Variants in KCNT2 observed in about 807,000 individuals in gnomAD.
KCNT2 encodes potassium sodium-activated channel subfamily T member 2, also known as potassium channel subfamily T member 2.
KCNT2 carries 67 observed loss-of-function variants against 153.8 expected under a neutral mutation model. The observed-to-expected ratio is 0.44, with a 90% CI of 0.36 to 0.53. KCNT2 has a LOEUF of 0.53. Among genes scored for constraint, KCNT2 ranks in the 20% least tolerant of loss-of-function variants. KCNT2 has a pLI of 0.00. For missense variants in KCNT2, 975 were observed against 1,354.8 expected (o/e 0.72, Z 4.40); for synonymous variants, 500 against 458.8 (o/e 1.09, Z -1.15).
intron 12 of KCNT2, among the ~76,000 whole-genome samples, chr1:196,412,820 C>T (rs1265237415): frequency 6.6e-6 from 1 of 151,586 alleles, no homozygotes; most frequent in Non-Finnish European, 1.5e-5. Context: ...TTGGGTTCGA[C>T]ACTTAATCAA....
chr1:196,340,180 T>TTTTAAAAAATTC (rs1171338749), intron 16 of KCNT2, among the ~76,000 whole-genome samples, 161 bp downstream of exon 16: 1 of 152,092 alleles, frequency 6.6e-6, no homozygotes, highest in Non-Finnish European at 1.5e-5. Flanking sequence ...ATTCACAACT[T>TTTTAAAAAATTC]AGAACTGTTG....
intron 13 of KCNT2, among the ~76,000 whole-genome samples, chr1:196,379,083 C>T (rs992745049): frequency 4.6e-5 from 7 of 151,876 alleles, no homozygotes; most frequent in Admixed American, 6.6e-5. Context: ...AATGGATAAA[C>T]TCTGGATTAC....
chr1:196,463,335 G>C (rs1007418172), intron 8 of KCNT2, among the ~76,000 whole-genome samples: 1 of 151,684 alleles, frequency 6.6e-6, no homozygotes, highest in African/African-American at 2.4e-5. Context: ...AAACTTATTC[G>C]ATTTTATGAT....
chr1:196,251,074 A>G (rs141071847), intron 26 of KCNT2, among the ~76,000 whole-genome samples: 17 of 152,208 alleles, frequency 1.1e-4, no homozygotes, highest in Admixed American at 2.0e-4. Context: ...AGCTTCCTCA[A>G]AAAACTAAAA....
intron 1 of KCNT2, among the ~76,000 whole-genome samples, chr1:196,551,819 G>A (rs1657944244): frequency 6.6e-6 from 1 of 151,462 alleles, no homozygotes; most frequent in Non-Finnish European, 1.5e-5. Context: ...GGCTCATTTA[G>A]TTTTACCACA....
intron 25 of KCNT2, among the ~76,000 whole-genome samples, chr1:196,267,318 GAGCATT>G (rs1657642023): frequency 6.6e-6 from 1 of 152,158 alleles, no homozygotes; most frequent in African/African-American, 2.4e-5. Flanking sequence ...TCAAATTTCT[GAGCATT>G]ATTTGATCAA....
intron 8 of KCNT2, among the ~76,000 whole-genome samples, chr1:196,448,557 T>C (rs1414373358): frequency 2.0e-5 from 3 of 151,584 alleles, no homozygotes; most frequent in Non-Finnish European, 4.4e-5. Flanking sequence ...GGAAGCTTTT[T>C]ATAATGTTTA....
chr1:196,256,699 TTA>T (rs1299561798), intron 26 of KCNT2, among the ~76,000 whole-genome samples: 1 of 148,818 alleles, frequency 6.7e-6, no homozygotes. Context: ...TCACAGGTGA[TTA>T]TCATGGAAAT....
chr1:196,513,827 A>G (rs2148805237), intron 1 of KCNT2, among the ~76,000 whole-genome samples: 1 of 152,364 alleles, frequency 6.6e-6, no homozygotes, highest in African/African-American at 2.4e-5. Context: ...GGTTCTACAT[A>G]GAACACAGAG....
Position 196,479,633 on chromosome 1 carries a change from G to A in KCNT2, c.325-395C>T, listed in dbSNP as rs968976217. On this transcript the variant is annotated intron_variant, in intron 4 of 27. Transcript: ENST00000294725. ...GCAATGTTGTCCAGGCTGGTCTCAA[G>A]CCCCGGGGCTCAAGCAATCCACCCT... Among the ~76,000 whole-genome samples the A allele has an allele frequency of 5.9e-5, 9 of 152,082 alleles. No homozygotes were observed. In the South Asian group the frequency reaches 1.2e-3, roughly 21 times the overall value.
chr1:196,539,942 G>C (rs1200251028), intron 1 of KCNT2, among the ~76,000 whole-genome samples: 1 of 151,696 alleles, frequency 6.6e-6, no homozygotes, highest in Non-Finnish European at 1.5e-5. Flanking sequence ...TCAAAAAATT[G>C]GATAAATTTC....
At chr1:196,334,248 C>T (rs1664773970) in intron 16 of KCNT2, among the ~76,000 whole-genome samples, 188 bp from the exon 17 acceptor site, 1 of 151,806 alleles carries the variant, frequency 6.6e-6, no homozygotes, top group South Asian at 2.1e-4. Flanking sequence ...AGGCATTTTC[C>T]TGGACAAGAA....
At chr1:196,508,900 T>C (rs1681371512) in intron 1 of KCNT2, among the ~76,000 whole-genome samples, 1 of 152,208 alleles carries the variant, frequency 6.6e-6, no homozygotes, top group Non-Finnish European at 1.5e-5. Context: ...ATTTATGTAT[T>C]TACAACCCAG....
intron 1 of KCNT2, among the ~76,000 whole-genome samples, chr1:196,596,029 T>C (rs1335729016): frequency 6.7e-6 from 1 of 149,048 alleles, no homozygotes; most frequent in Non-Finnish European, 1.5e-5. Context: ...TTGTTCCTTG[T>C]TATGGCTGAG....
chr1:196,360,452 A>C (rs1266490933), intron 14 of KCNT2, among the ~76,000 whole-genome samples: 1 of 152,072 alleles, frequency 6.6e-6, no homozygotes, highest in East Asian at 1.9e-4. Flanking sequence ...AGTAGAACCC[A>C]TGGTGTCCCC....
chr1:196,366,675 C>T (rs992698704), intron 14 of KCNT2, among the ~76,000 whole-genome samples: 1 of 152,058 alleles, frequency 6.6e-6, no homozygotes, highest in Non-Finnish European at 1.5e-5. Context: ...CTCTTCATTG[C>T]CCTTCCCTAC....
Position 196,400,423 on chromosome 1 carries a change from T to C in KCNT2, c.1186-1752A>G, listed in dbSNP as rs1287340144. Among the ~76,000 whole-genome samples the C allele has an allele frequency of 2.0e-5, 3 of 151,794 alleles. No homozygotes were observed. The East Asian group carries it at 5.8e-4, about 30-fold the overall frequency. On this transcript the variant is annotated intron_variant, in intron 12 of 27. Transcript: ENST00000294725. ...CCTGCTTTATCCCTCAGTATCTAAT[T>C]AGACTTGGACAAGTTAAATTTCCTC... is the stretch of plus-strand genomic sequence containing the variant.
intron 14 of KCNT2, among the ~76,000 whole-genome samples, chr1:196,369,316 T>A (rs574202004): frequency 1.2e-4 from 19 of 152,240 alleles, no homozygotes; most frequent in Middle Eastern, 6.8e-3. Flanking sequence ...AATTTTTTTT[T>A]ATTTATTTTT....
chr1:196,553,996 T>G (rs1319194665), intron 1 of KCNT2, among the ~76,000 whole-genome samples: 2 of 151,048 alleles, frequency 1.3e-5, no homozygotes, highest in African/African-American at 4.8e-5. Flanking sequence ...AGAGGTAAAT[T>G]TATAGTTTTA....
Sources: gnomAD v4.1 joint callset for allele counts (sites outside exome capture counted in the v4.1 genomes callset) on GRCh38, gnomAD v4.1.1 for gene constraint, MANE v1.5 for transcripts, NCBI Gene and HGNC (gene_info 2026-07-23, HGNC 2026-07-21) for gene names.